The following APBB1IP variants were observed in gnomAD, a reference collection of about 807,000 sequenced individuals.
APBB1IP encodes amyloid beta A4 precursor protein-binding family B member 1-interacting protein.
A neutral mutation model predicts 64.9 loss-of-function variants in APBB1IP; 27 were observed. The ratio of observed to expected loss-of-function variants is 0.42; its 90% CI spans 0.31 to 0.57. APBB1IP has a LOEUF of 0.57. Among genes scored for constraint, APBB1IP ranks in the 20% least tolerant of loss-of-function variants. The pLI is 0.20. For missense variants in APBB1IP, 812 were observed against 845.5 expected, an observed-to-expected ratio of 0.96 and a Z score of 0.49; for synonymous variants, 392 against 331.0, an observed-to-expected ratio of 1.18 and a Z score of -2.00.
In APBB1IP at chr10:26,483,781, T is replaced by C. The variant is rs1835862204; in HGVS notation, c.1-8546T>C. On this transcript the variant is annotated intron_variant, in intron 2 of 14. Coordinates refer to ENST00000376236, the MANE Select transcript of APBB1IP (RefSeq NM_019043.4). ...AGGCTGGAGTGCAATAGTGCAATCA[T>C]GAGTCACTTCAGCCTTGAACTCCTG... 1.3e-5 allele frequency among the ~76,000 whole-genome samples: 2 copies of C among 152,168 alleles called. 1 individual carries two copies. The highest frequency in any genetic ancestry group is 4.1e-4 in the South Asian group (2 of 4,828).
chr10:26,526,575 CG>C (rs1836477202), intron 8 of APBB1IP, among the ~76,000 whole-genome samples: 1 of 151,840 alleles, frequency 6.6e-6, no homozygotes, highest in East Asian at 1.9e-4. Flanking sequence ...AAAAACAAGT[CG>C]TGCATGGCGG....
Position 26,528,387 on chromosome 10 carries a change from C to T in APBB1IP, c.814-5052C>T, listed in dbSNP as rs536437233. On this transcript the variant is annotated intron_variant, in intron 8 of 14. Coordinates refer to ENST00000376236, the MANE Select transcript of APBB1IP (RefSeq NM_019043.4). ...TTGTTCTCCTCCCTGGAAATCTATT[C>T]TTATTCTTTTTTTCCCTACCAGAAC... Among the ~76,000 whole-genome samples, 367 of 152,220 alleles carry T rather than the reference C, an allele frequency of 2.4e-3. 1 individual carries two copies. The highest frequency in any genetic ancestry group is 8.1e-3 in the African/African-American group (337 of 41,546).
At chr10:26,448,117 A>T (rs912004836) in intron 2 of APBB1IP, among the ~76,000 whole-genome samples, 4 of 149,020 alleles carry the variant, frequency 2.7e-5, no homozygotes, top group African/African-American at 9.9e-5. Flanking sequence ...AAATCAAGTG[A>T]CATAAATTTT....
At chr10:26,530,767 C>T (rs1487317650) in intron 8 of APBB1IP, among the ~76,000 whole-genome samples, 1 of 152,008 alleles carries the variant, frequency 6.6e-6, no homozygotes, top group Non-Finnish European at 1.5e-5. Context: ...CCTCTGTGTC[C>T]TCATCTGTAA....
intron 11 of APBB1IP, among the ~76,000 whole-genome samples, chr10:26,554,345 G>C (rs1347033778): frequency 6.6e-6 from 1 of 152,228 alleles, no homozygotes; most frequent in Non-Finnish European, 1.5e-5. Flanking sequence ...AACCAGAGTT[G>C]TGTTCCTTCT....
Position 26,567,453 on chromosome 10 carries a change from A to C in APBB1IP, c.1966A>C (p.Lys656Gln). 2 of 1,601,580 alleles carry C rather than the reference A, an allele frequency of 1.2e-6. No homozygotes were observed. Among genetic ancestry groups the C allele is most frequent in the Non-Finnish European group, 1.7e-6 (2 of 1,171,566 alleles). The stretch of plus-strand genomic sequence containing the variant: ...GCAAGATTTCATGTCAGACCTCATG[A>C]AAGCTTTGCAAAAGAAGAGAGGCAA... ...GEQDFMSDLM[K>Q]ALQKKRGNVS Residue 656 changes from lysine (K) to glutamine (Q), a missense_variant, in exon 15 of 15, where the codon AAA (lysine) becomes CAA (glutamine). Lys to Gln is a moderately conservative substitution (Grantham distance 53). Transcript: ENST00000376236.
intron 2 of APBB1IP, among the ~76,000 whole-genome samples, chr10:26,452,152 A>C (rs1054877208): frequency 1.6e-4 from 4 of 24,970 alleles, no homozygotes; most frequent in African/African-American, 2.9e-4. Flanking sequence ...ATTCTTAGAC[A>C]AAAAAAAGTG....
chr10:26,445,177 AAAGAAAGAAAG>A (rs1835382837), intron 2 of APBB1IP, among the ~76,000 whole-genome samples: 2 of 143,722 alleles, frequency 1.4e-5, no homozygotes, highest in Non-Finnish European at 3.2e-5. Flanking sequence ...AGAAAGAAAG[AAAGAAAGAAAG>A]AAAGAAAAGG....
At chr10:26,514,669 T>C (rs989026766) in intron 8 of APBB1IP, among the ~76,000 whole-genome samples, 3 of 137,150 alleles carry the variant, frequency 2.2e-5, no homozygotes, top group African/African-American at 8.4e-5. Context: ...CTTTCCCTTT[T>C]ACAGGTTAAA....
At chr10:26,446,301 T>C (rs1835397728) in intron 2 of APBB1IP, among the ~76,000 whole-genome samples, 1 of 152,244 alleles carries the variant, frequency 6.6e-6, no homozygotes, top group Non-Finnish European at 1.5e-5. Context: ...AGTATTGTTT[T>C]CCTTTTAAGA....
At chr10:26,482,191 A>G (rs1333376257) in intron 2 of APBB1IP, among the ~76,000 whole-genome samples, 1 of 152,190 alleles carries the variant, frequency 6.6e-6, no homozygotes, top group African/African-American at 2.4e-5. Context: ...CACCGATCTC[A>G]GGGGTACAGT....
chr10:26,557,745 G>A lies in APBB1IP; in HGVS notation c.1156-2360G>A, dbSNP rs539968497. Among the ~76,000 whole-genome samples, 8 of 152,228 alleles carry A rather than the reference G, an allele frequency of 5.3e-5. No homozygotes were observed. The East Asian group carries it at 1.4e-3, about 26-fold the overall frequency. ...TATAAAGGTCTTGTTATCCTTTCTGGACAAAGATTACAATCCCACACGCTC... is the reference window on the plus strand; with the variant it reads ...TATAAAGGTCTTGTTATCCTTTCTGAACAAAGATTACAATCCCACACGCTC... On this transcript the variant is annotated intron_variant, in intron 11 of 14. Transcript: ENST00000376236.
chr10:26,529,138 GT>G (rs1304036917), intron 8 of APBB1IP, among the ~76,000 whole-genome samples: 17 of 152,318 alleles, frequency 1.1e-4, no homozygotes, highest in African/African-American at 4.1e-4. Flanking sequence ...ATGACCAAGA[GT>G]CTCATTTCCC....
At chr10:26,521,459 A>T (rs767481496) in intron 8 of APBB1IP, among the ~76,000 whole-genome samples, 7 of 152,122 alleles carry the variant, frequency 4.6e-5, no homozygotes, top group Non-Finnish European at 1.0e-4. Context: ...TGGGATCATG[A>T]TGGCAAGCAT....
chr10:26,545,713 TCG>T (rs1836754429), intron 11 of APBB1IP, among the ~76,000 whole-genome samples: 2 of 148,948 alleles, frequency 1.3e-5, no homozygotes, highest in Admixed American at 1.3e-4. Context: ...TGAGCCGAGA[TCG>T]CGCCACTGCA....
At chr10:26,447,751 C>T (rs1436414136) in intron 2 of APBB1IP, among the ~76,000 whole-genome samples, 1 of 152,092 alleles carries the variant, frequency 6.6e-6, no homozygotes, top group Non-Finnish European at 1.5e-5. Flanking sequence ...GGGAGGGCCT[C>T]ACTCTGTCAC....
chr10:26,478,083 G>A (rs1014863017), intron 2 of APBB1IP, among the ~76,000 whole-genome samples: 1 of 152,190 alleles, frequency 6.6e-6, no homozygotes, highest in African/African-American at 2.4e-5. Context: ...CGTAGTTGAT[G>A]AGCGGGAAGA....
intron 2 of APBB1IP, among the ~76,000 whole-genome samples, chr10:26,488,957 G>A (rs545482057): frequency 3.3e-5 from 5 of 152,252 alleles, no homozygotes; most frequent in East Asian, 3.9e-4. Context: ...TTTGGGATGC[G>A]TCTGCCACTA....
chr10:26,558,337 G>C (rs879003039), intron 11 of APBB1IP, among the ~76,000 whole-genome samples: 6 of 152,128 alleles, frequency 3.9e-5, no homozygotes, highest in Admixed American at 3.3e-4. Context: ...TATTGTGCTT[G>C]TTTCTTGATT....
Sources: allele counts gnomAD v4.1 joint callset (sites outside exome capture counted in the v4.1 genomes callset), GRCh38; gene constraint gnomAD v4.1.1; transcripts MANE v1.5; gene names NCBI Gene and HGNC (gene_info 2026-07-23, HGNC 2026-07-21).